SCEL: variants seen among roughly 807,000 people sequenced by gnomAD.
SCEL encodes sciellin.
In SCEL, 113 loss-of-function variants were observed where a neutral mutation model predicts 117.6. That is an observed-to-expected ratio of 0.96 (90% CI 0.83 to 1.12). The LOEUF is 1.12. SCEL is among the 50% of genes most tolerant of loss of function. SCEL has a pLI of 0.00. For missense variants in SCEL, 785 were observed against 810.8 expected, an observed-to-expected ratio of 0.97 and a Z score of 0.39; for synonymous variants, 270 against 256.2, an observed-to-expected ratio of 1.05 and a Z score of -0.51.
At chr13:77,581,339 C>T (rs1047551870) in intron 9 of SCEL, among the ~76,000 whole-genome samples, 2 of 152,182 alleles carry the variant, frequency 1.3e-5, no homozygotes, top group Admixed American at 1.3e-4. Context: ...ACCTAATTCG[C>T]AATCTGTAAA....
At position 77,609,072 on chromosome 13, in the gene SCEL, A is replaced by G. The variant is rs776223897; in HGVS notation, c.1232A>G (p.Asn411Ser). Residue 411 changes from asparagine to serine, a missense_variant, in exon 21 of 33, where the codon AAT (asparagine) becomes AGT (serine). Transcript: ENST00000349847. The stretch of plus-strand genomic sequence containing the variant: ...TTTGTTTGAAGTTCCAAAGACCTTA[A>G]TAACTTCATCAAAGTGTATCCAGGA... ...KRSNQGSKDL[N>S]NFIKVYPGTE... 5 of 1,593,994 alleles carry G rather than the reference A, an allele frequency of 3.1e-6. No individual in the cohort carries two copies. The highest frequency in any genetic ancestry group is 3.7e-5 in the Admixed American group (2 of 53,674).
At chr13:77,594,728 A>C (rs2087119958) in intron 12 of SCEL, among the ~76,000 whole-genome samples, 2 of 152,214 alleles carry the variant, frequency 1.3e-5, no homozygotes, top group Admixed American at 6.5e-5. Context: ...TGTTTAATAG[A>C]TTATGGTAAA....
At position 77,597,592 on chromosome 13, in the gene SCEL, A is replaced by G; in HGVS notation, c.797+3A>G. 1 of 1,426,992 alleles carries G rather than the reference A, an allele frequency of 7.0e-7. No individual in the cohort carries two copies. The highest frequency in any genetic ancestry group is 9.6e-7 in the Non-Finnish European group (1 of 1,042,836). 88.4% of individuals were successfully genotyped at this position (1,426,992 alleles called of 1,614,324 possible). A position where few individuals can be genotyped will look rare whatever the true frequency, so the allele number is the denominator to read the frequency against. Reference sequence around the variant, plus strand: ...AAAATGAACAAAAGCTTGAATAGGTAAGATTTTTAAATGTTTATCTTTTAT... The same window carrying G: ...AAAATGAACAAAAGCTTGAATAGGTGAGATTTTTAAATGTTTATCTTTTAT... On this transcript the variant is annotated splice_donor_region_variant and intron_variant, in intron 13 of 32. Coordinates refer to ENST00000349847, the MANE Select transcript of SCEL (RefSeq NM_144777.3).
chr13:77,601,912 T>A (rs77753160), intron 15 of SCEL, among the ~76,000 whole-genome samples, 153 bp from the exon 16 acceptor site: 82 of 152,344 alleles, frequency 5.4e-4, no homozygotes, highest in African/African-American at 1.7e-3. Flanking sequence ...AATTCAGTAT[T>A]TCCAAGGACT....
At chr13:77,606,977 C>G (rs568068568) in intron 19 of SCEL, among the ~76,000 whole-genome samples, 2 of 152,120 alleles carry the variant, frequency 1.3e-5, no homozygotes, top group Non-Finnish European at 2.9e-5. Flanking sequence ...GATCAGAAAC[C>G]GAGGTATACT....
At chr13:77,558,132 G>T (rs1032407253) in intron 3 of SCEL, among the ~76,000 whole-genome samples, 3 of 152,170 alleles carry the variant, frequency 2.0e-5, no homozygotes, top group African/African-American at 7.2e-5. Flanking sequence ...ATTTTGGATT[G>T]CCAATATTTA....
chr13:77,632,057 T>C (rs910851478), intron 28 of SCEL, among the ~76,000 whole-genome samples: 1 of 152,364 alleles, frequency 6.6e-6, no homozygotes, highest in South Asian at 2.1e-4. Context: ...CCTCTTCTTA[T>C]GAGGATTCCA....
In SCEL at chr13:77,604,374, G is replaced by A. The variant is rs2087959961; in HGVS notation, c.1116G>A (p.Gly372=). ...TTCAAAGAAAAAAAGACCTTGATGG[G>A]CTTATTAAAGTGGATCCTGAAACAA... ...ENTTGKKDLD[G]LIKVDPETNK... is the part of the protein sequence containing the mutation. Residue 372 remains glycine (G), a synonymous_variant, in exon 19 of 33, where the codon GGG becomes GGA. Transcript: ENST00000349847. The A allele has an allele frequency of 6.4e-7, 1 of 1,574,472 alleles. No individual in the cohort carries two copies. Among genetic ancestry groups the A allele is most frequent in the Non-Finnish European group, 8.6e-7 (1 of 1,167,384 alleles).
intron 1 of SCEL, among the ~76,000 whole-genome samples, chr13:77,540,342 C>T (rs1438892253): frequency 3.3e-5 from 5 of 151,622 alleles, no homozygotes; most frequent in African/African-American, 9.7e-5. Flanking sequence ...TGAATGTGTG[C>T]GGGTGTGAGT....
Position 77,644,376 on chromosome 13 carries a change from A to T in SCEL, c.*102A>T. The T allele has an allele frequency of 1.7e-6, 2 of 1,166,320 alleles. No homozygotes were observed. Among genetic ancestry groups the T allele is most frequent in the Non-Finnish European group, 2.5e-6 (2 of 795,332 alleles). 72.2% of individuals were successfully genotyped at this position (1,166,320 alleles called of 1,614,324 possible). On this transcript the variant is annotated 3_prime_UTR_variant, in exon 33 of 33. Coordinates refer to ENST00000349847, the MANE Select transcript of SCEL (RefSeq NM_144777.3). ...ATCTAGAAAAGCTTTCACATTGAAGATCAACTCTTGTACAAAATTAACAAT... is the reference window on the plus strand; with the variant it reads ...ATCTAGAAAAGCTTTCACATTGAAGTTCAACTCTTGTACAAAATTAACAAT...
intron 5 of SCEL, among the ~76,000 whole-genome samples, chr13:77,566,233 C>T (rs145979869): frequency 2.5e-4 from 38 of 152,224 alleles, no homozygotes; most frequent in East Asian, 7.7e-4. Flanking sequence ...TCCCAGTGAA[C>T]GATTTGGGAG....
chr13:77,539,716 A>G (rs1487095238), intron 1 of SCEL, among the ~76,000 whole-genome samples: 2 of 152,076 alleles, frequency 1.3e-5, no homozygotes, highest in Non-Finnish European at 1.5e-5. Context: ...TTGTATTTTT[A>G]GTAGAGATGA....
chr13:77,563,121 A>T (rs983829145), intron 4 of SCEL, among the ~76,000 whole-genome samples: 3 of 151,202 alleles, frequency 2.0e-5, no homozygotes, highest in African/African-American at 7.3e-5. Context: ...TTATTTTCTA[A>T]ATTCCCCCCC....
At chr13:77,605,575 G>A (rs12856692) in intron 19 of SCEL, among the ~76,000 whole-genome samples, 10,209 of 152,116 alleles carry the variant, frequency 0.067, 463 homozygotes, top group Non-Finnish European at 0.11. Flanking sequence ...TTCTCATGCC[G>A]GGCACATAGT....
Position 77,600,214 on chromosome 13 carries a change from C to T in SCEL, c.917+466C>T, listed in dbSNP as rs529034953. On this transcript the variant is annotated intron_variant, in intron 15 of 32. Coordinates refer to ENST00000349847, the MANE Select transcript of SCEL (RefSeq NM_144777.3). ...CCCTACCTTGGCTCACTGCAGCCACCGCCTCCCGGGTTCAAGTGATTCTTT... is the reference window on the plus strand; with the variant it reads ...CCCTACCTTGGCTCACTGCAGCCACTGCCTCCCGGGTTCAAGTGATTCTTT... Among the ~76,000 whole-genome samples the T allele has an allele frequency of 5.9e-5, 9 of 152,164 alleles. No homozygotes were observed. In the South Asian group the frequency reaches 6.2e-4, roughly 11 times the overall value.
intron 28 of SCEL, among the ~76,000 whole-genome samples, chr13:77,628,389 A>G (rs2089870045): frequency 6.6e-6 from 1 of 152,064 alleles, no homozygotes; most frequent in Non-Finnish European, 1.5e-5. Flanking sequence ...TCAGCAGTGC[A>G]GAAAGCACTC....
At chr13:77,569,873 C>A (rs1187371467) in intron 8 of SCEL, among the ~76,000 whole-genome samples, 1 of 152,146 alleles carries the variant, frequency 6.6e-6, no homozygotes, top group Non-Finnish European at 1.5e-5. Flanking sequence ...CTGGAGACAT[C>A]CATCTGTATT....
intron 12 of SCEL, among the ~76,000 whole-genome samples, chr13:77,594,644 C>T (rs945516056): frequency 1.3e-5 from 2 of 152,176 alleles, no homozygotes; most frequent in African/African-American, 4.8e-5. Flanking sequence ...TCTCTATCAT[C>T]TCTATAGTCT....
intron 1 of SCEL, among the ~76,000 whole-genome samples, chr13:77,553,264 G>C (rs1239704142): frequency 2.0e-5 from 3 of 152,132 alleles, no homozygotes; most frequent in Admixed American, 6.5e-5. Flanking sequence ...GGGAGGTACA[G>C]AAAAATAAGC....
Sources: allele counts gnomAD v4.1 joint callset (sites outside exome capture counted in the v4.1 genomes callset), GRCh38; gene constraint gnomAD v4.1.1; transcripts MANE v1.5; gene names NCBI Gene and HGNC (gene_info 2026-07-23, HGNC 2026-07-21).